The following MGLL variants were observed in gnomAD, a reference collection of about 807,000 sequenced individuals.
The protein encoded by MGLL is lysophospholipase homolog.
A neutral mutation model predicts 29.1 loss-of-function variants in MGLL; 7 were observed. That is an observed-to-expected ratio of 0.24 (90% CI 0.14 to 0.45). The LOEUF is 0.45. Ranked by LOEUF, MGLL falls within the 20% of genes least tolerant of loss-of-function variation. The probability of loss-of-function intolerance (pLI) is 0.99; values close to 1 mark genes in which losing one functional copy is unlikely to be tolerated. For missense variants in MGLL, 356 were observed against 413.6 expected, an observed-to-expected ratio of 0.86 and a Z score of 1.21; for synonymous variants, 148 against 168.3, an observed-to-expected ratio of 0.88 and a Z score of 0.93.
chr3:127,771,743 C>T (rs2076951875), intron 3 of MGLL, among the ~76,000 whole-genome samples: 1 of 152,184 alleles, frequency 6.6e-6, no homozygotes, highest in South Asian at 2.1e-4. Flanking sequence ...GGACTTAGTG[C>T]CACACTTACC....
At chr3:127,774,849 G>C (rs1329765645) in intron 3 of MGLL, among the ~76,000 whole-genome samples, 1 of 152,188 alleles carries the variant, frequency 6.6e-6, no homozygotes, top group Non-Finnish European at 1.5e-5. Flanking sequence ...GCTGCCACTG[G>C]AGTTTCAGAC....
At chr3:127,736,941 T>C (rs897306532) in intron 3 of MGLL, among the ~76,000 whole-genome samples, 9 of 152,094 alleles carry the variant, frequency 5.9e-5, no homozygotes, top group African/African-American at 2.2e-4. Flanking sequence ...ATGATCCACC[T>C]GCCTCGGCCT....
chr3:127,810,866 TTCTGACATCCAC>T, intron 2 of MGLL, among the ~76,000 whole-genome samples: 2 of 135,994 alleles, frequency 1.5e-5, no homozygotes, highest in African/African-American at 7.5e-5. Flanking sequence ...ACCCTCCAGA[TTCTGACATCCAC>T]AGCAACTTCT....
chr3:127,759,043 G>A (rs150643413), intron 3 of MGLL, among the ~76,000 whole-genome samples: 457 of 150,832 alleles, frequency 3.0e-3, no homozygotes, highest in African/African-American at 0.01. Context: ...CTGCCTCAGC[G>A]TCCTGAGTAG....
intron 3 of MGLL, among the ~76,000 whole-genome samples, chr3:127,778,202 C>T (rs984531650): frequency 3.9e-5 from 6 of 152,196 alleles, no homozygotes; most frequent in African/African-American, 1.2e-4. Flanking sequence ...TCATAGAAAC[C>T]GGGCAGTGAA....
Position 127,778,553 on chromosome 3 carries a change from G to C in MGLL, c.262+3236C>G, listed in dbSNP as rs563897707. ...AGTGTCTGAGCCCTTCTGCTGTCTG[G>C]GATGAAAGTGCAGTAGCATGCTTCC... On this transcript the variant is annotated intron_variant, in intron 3 of 7. Transcript: ENST00000265052. Among the ~76,000 whole-genome samples, 331 of 152,286 alleles carry C rather than the reference G, an allele frequency of 2.2e-3. 4 individuals carry two copies. Among genetic ancestry groups the C allele is most frequent in the Middle Eastern group, 6.8e-3 (2 of 294 alleles).
intron 2 of MGLL, among the ~76,000 whole-genome samples, chr3:127,790,745 G>C (rs888949957): frequency 3.3e-5 from 5 of 152,088 alleles, no homozygotes; most frequent in Non-Finnish European, 5.9e-5. Context: ...CCTGACTCCA[G>C]CCTGCCCCGC....
At chr3:127,797,807 A>G (rs1201975586) in intron 2 of MGLL, among the ~76,000 whole-genome samples, 1 of 152,124 alleles carries the variant, frequency 6.6e-6, no homozygotes, top group Non-Finnish European at 1.5e-5. Flanking sequence ...GGGTTTCACC[A>G]TGTTGCCCAG....
At chr3:127,794,626 C>T (rs927904378) in intron 2 of MGLL, among the ~76,000 whole-genome samples, 1 of 152,088 alleles carries the variant, frequency 6.6e-6, no homozygotes, top group Non-Finnish European at 1.5e-5. Context: ...TCTGTGATGT[C>T]AGGCTGTCTT....
intron 6 of MGLL, among the ~76,000 whole-genome samples, chr3:127,701,378 C>T (rs1002852455): frequency 1.2e-4 from 19 of 152,170 alleles, no homozygotes; most frequent in African/African-American, 4.3e-4. Flanking sequence ...CATTCCCTCC[C>T]AAGCCTGTAG....
At chr3:127,781,548 G>T (rs1345188174) in intron 3 of MGLL, among the ~76,000 whole-genome samples, 2 of 152,220 alleles carry the variant, frequency 1.3e-5, no homozygotes, top group Non-Finnish European at 2.9e-5. Flanking sequence ...GTTCTGAGAT[G>T]AACATATCCG....
intron 2 of MGLL, among the ~76,000 whole-genome samples, chr3:127,793,727 A>G (rs559295693): frequency 6.6e-6 from 1 of 152,074 alleles, no homozygotes; most frequent in African/African-American, 2.4e-5. Flanking sequence ...ACGCCCAGCT[A>G]ATTTTTGTAT....
intron 3 of MGLL, among the ~76,000 whole-genome samples, chr3:127,729,887 G>A (rs778487946): frequency 6.6e-6 from 1 of 152,214 alleles, no homozygotes; most frequent in African/African-American, 2.4e-5. Flanking sequence ...TGATGGTAAT[G>A]TAGGCATCTC....
At chr3:127,766,233 A>T (rs1329917855) in intron 3 of MGLL, among the ~76,000 whole-genome samples, 1 of 152,042 alleles carries the variant, frequency 6.6e-6, no homozygotes, top group Non-Finnish European at 1.5e-5. Context: ...TTTGCTTTTG[A>T]AGCATGTCTG....
At chr3:127,774,207 G>A (rs1284325566) in intron 3 of MGLL, among the ~76,000 whole-genome samples, 1 of 152,178 alleles carries the variant, frequency 6.6e-6, no homozygotes, top group East Asian at 1.9e-4. Flanking sequence ...GCTAGCCCCT[G>A]CCCCCGGGCC....
chr3:127,763,697 C>T (rs1453943856), intron 3 of MGLL, among the ~76,000 whole-genome samples: 1 of 152,236 alleles, frequency 6.6e-6, no homozygotes, highest in Non-Finnish European at 1.5e-5. Flanking sequence ...GTCCTTCCCT[C>T]TGTGCTGCCT....
chr3:127,741,562 G>T (rs1412862265), intron 3 of MGLL, among the ~76,000 whole-genome samples: 1 of 151,920 alleles, frequency 6.6e-6, no homozygotes, highest in Non-Finnish European at 1.5e-5. Flanking sequence ...TGGGGAGCGG[G>T]CAGAGGTTTG....
chr3:127,694,287 ATAT>A (rs1283620664), intron 7 of MGLL, among the ~76,000 whole-genome samples: 15,881 of 84,532 alleles, frequency 0.19, 1,524 homozygotes, highest in East Asian at 0.28. Flanking sequence ...AAAAAAAAAA[ATAT>A]ATATATATAT....
intron 3 of MGLL, among the ~76,000 whole-genome samples, chr3:127,725,197 T>G (rs2076009134): frequency 6.6e-6 from 1 of 152,188 alleles, no homozygotes; most frequent in South Asian, 2.1e-4. Context: ...CCTGCTGACT[T>G]TGTCATGGGG....
Sources: gnomAD v4.1 joint callset for allele counts (sites outside exome capture counted in the v4.1 genomes callset) on GRCh38, gnomAD v4.1.1 for gene constraint, MANE v1.5 for transcripts, NCBI Gene and HGNC (gene_info 2026-07-23, HGNC 2026-07-21) for gene names.